The following TTLL6 variants were observed in gnomAD, a reference collection of about 807,000 sequenced individuals.
TTLL6 encodes tubulin polyglutamylase TTLL6.
In TTLL6, 75 loss-of-function variants were observed where a neutral mutation model predicts 96.4. The observed-to-expected ratio is 0.78, with a 90% CI of 0.65 to 0.94. TTLL6 has a LOEUF of 0.94. Ranked by LOEUF, TTLL6 falls within the 40% of genes least tolerant of loss-of-function variation. TTLL6 has a pLI of 0.00. For missense variants in TTLL6, 1,030 were observed against 1,093.0 expected (o/e 0.94, Z 0.81); for synonymous variants, 411 against 419.4 (o/e 0.98, Z 0.24).
At chr17:48,816,530 G>T (rs1020718922) in intron 1 of TTLL6, among the ~76,000 whole-genome samples, 9 of 152,160 alleles carry the variant, frequency 5.9e-5, no homozygotes, top group South Asian at 4.1e-4. Flanking sequence ...AGGCTGGAAG[G>T]CGGTAGGGGC....
At chr17:48,767,358 A>T (rs1362199039) in intron 15 of TTLL6, among the ~76,000 whole-genome samples, 1 of 152,202 alleles carries the variant, frequency 6.6e-6, no homozygotes, top group Non-Finnish European at 1.5e-5. Flanking sequence ...ATGGGGAAAC[A>T]TCAGGCCCAG....
In TTLL6 at chr17:48,803,163, C is replaced by T. The variant is rs147723484; in HGVS notation, c.361+728G>A. Among the ~76,000 whole-genome samples, 1,129 of 151,836 alleles carry T rather than the reference C, an allele frequency of 7.4e-3. 7 individuals carry two copies. The highest frequency in any genetic ancestry group is 0.026 in the African/African-American group (1,058 of 41,416). Reference sequence around the variant, plus strand: ...CCAGCCTGGGCAACAAGAGTGAAACCCAGTCTCAAAAATAAAATAAATAAA... The same window carrying T: ...CCAGCCTGGGCAACAAGAGTGAAACTCAGTCTCAAAAATAAAATAAATAAA... On this transcript the variant is annotated intron_variant, in intron 3 of 15. Transcript: ENST00000393382.
chr17:48,802,309 G>A (rs2039440829), intron 3 of TTLL6, among the ~76,000 whole-genome samples: 1 of 152,172 alleles, frequency 6.6e-6, no homozygotes, highest in African/African-American at 2.4e-5. Context: ...AGCTCTGAAT[G>A]TTCAGGGAAT....
At chr17:48,773,457 C>T (rs748395424) in intron 13 of TTLL6, among the ~76,000 whole-genome samples, 1 of 152,220 alleles carries the variant, frequency 6.6e-6, no homozygotes, top group Non-Finnish European at 1.5e-5. Context: ...ATTACAGGCT[C>T]ATGCCTATAA....
At chr17:48,780,572 T>C (rs541127996) in intron 13 of TTLL6, among the ~76,000 whole-genome samples, 3 of 152,358 alleles carry the variant, frequency 2.0e-5, no homozygotes, top group African/African-American at 7.2e-5. Context: ...GTGTTAACTA[T>C]ATGCACATTT....
intron 1 of TTLL6, among the ~76,000 whole-genome samples, chr17:48,808,265 A>C (rs947308988): frequency 6.6e-6 from 1 of 152,174 alleles, no homozygotes; most frequent in African/African-American, 2.4e-5. Context: ...ATAGCTCTAA[A>C]ATGCATTATC....
intron 15 of TTLL6, among the ~76,000 whole-genome samples, 174 bp from the exon 16 acceptor site, chr17:48,763,147 C>T (rs1314996725): frequency 6.9e-6 from 1 of 145,140 alleles, no homozygotes; most frequent in Non-Finnish European, 1.5e-5. Flanking sequence ...CTTCCTGTAG[C>T]CTTCTTGCCT....
intron 8 of TTLL6, among the ~76,000 whole-genome samples, chr17:48,792,006 A>G (rs1278153199): frequency 6.6e-6 from 1 of 152,162 alleles, no homozygotes; most frequent in East Asian, 1.9e-4. Flanking sequence ...TTTTAAGAAC[A>G]CTGATGCCTG....
In TTLL6 at chr17:48,762,962, T is replaced by C. The variant is rs758912003; in HGVS notation, c.*12A>G. The C allele has an allele frequency of 3.5e-5, 16 of 452,704 alleles. No individual in the cohort carries two copies. Among genetic ancestry groups the C allele is most frequent in the Non-Finnish European group, 4.4e-6 (1 of 225,958 alleles). The allele number at this position is 452,704 out of a possible 1,614,324, so 28.0% of individuals were successfully genotyped here. On this transcript the variant is annotated 3_prime_UTR_variant, in exon 16 of 16. Coordinates refer to ENST00000393382, the MANE Select transcript of TTLL6 (RefSeq NM_001130918.3). ...GGTAGGAAGGGAAAAGTGGCAGAGA[T>C]CCAGTCTGATTCTGGAAAAAAAAAA...
At chr17:48,810,823 G>GTATATA (rs1378796331) in intron 1 of TTLL6, among the ~76,000 whole-genome samples, 9 of 65,798 alleles carry the variant, frequency 1.4e-4, no homozygotes, top group South Asian at 5.0e-4. Flanking sequence ...TAGTATGTGT[G>GTATATA]TGTATATATA....
chr17:48,786,949 C>T (rs773774984), intron 11 of TTLL6, among the ~76,000 whole-genome samples: 14 of 151,476 alleles, frequency 9.2e-5, no homozygotes, highest in Non-Finnish European at 1.2e-4. Flanking sequence ...TCTGCCTCAG[C>T]CTCCAGAGTA....
intron 1 of TTLL6, among the ~76,000 whole-genome samples, chr17:48,814,369 A>C (rs2039636616): frequency 6.6e-6 from 1 of 151,882 alleles, no homozygotes; most frequent in Admixed American, 6.6e-5. Context: ...CCAATGTAAC[A>C]AACACAGTAA....
At chr17:48,767,286 G>A (rs978013076) in intron 15 of TTLL6, among the ~76,000 whole-genome samples, 5 of 152,130 alleles carry the variant, frequency 3.3e-5, no homozygotes, top group African/African-American at 1.2e-4. Flanking sequence ...TTCCCAGGGG[G>A]TTTGGCCTGA....
In TTLL6 at chr17:48,789,954, C is replaced by T. The variant is rs773364274; in HGVS notation, c.1377G>A (p.Gln459=). Residue 459 remains glutamine, a synonymous_variant, in exon 10 of 16, where the codon CAG becomes CAA. Coordinates refer to ENST00000393382, the MANE Select transcript of TTLL6 (RefSeq NM_001130918.3). ...ACCTCATCTCCCGAGAACAACACTG[C>T]TGCAGGAACTGCCCCCGTTGTCTCT... ...EEERQRGQFL[Q]QCCSREMRIE... 1.2e-6 allele frequency: 2 copies of T among 1,614,088 alleles called. No individual in the cohort carries two copies. Among genetic ancestry groups the T allele is most frequent in the Non-Finnish European group, 1.7e-6 (2 of 1,180,024 alleles).
At position 48,769,942 on chromosome 17, in the gene TTLL6, A is replaced by C. The variant is rs8080242; in HGVS notation, c.2196T>G (p.Pro732=). 5.6e-3 allele frequency: 8,970 copies of C among 1,614,058 alleles called. 363 individuals are homozygous for C. In the African/African-American group the frequency reaches 0.097, roughly 17 times the overall value. ...VSFKCKKQQT[P]PHLTQKKMLK... is the part of the protein sequence containing the mutation. ...ACATTTTCTTCTGGGTTAAGTGTGG[A>C]GGGGTCTGCTGCTTCTTGCATTTAA... Residue 732 remains proline, a synonymous_variant, in exon 14 of 16, where the codon CCT becomes CCG. Coordinates refer to ENST00000393382, the MANE Select transcript of TTLL6 (RefSeq NM_001130918.3).
intron 2 of TTLL6, 128 bp downstream of exon 2, chr17:48,804,644 T>C (rs1474197927): frequency 1.3e-6 from 1 of 762,680 alleles, no homozygotes. Flanking sequence ...CCAAAAGTGG[T>C]GAGATGTTGA....
intron 15 of TTLL6, among the ~76,000 whole-genome samples, chr17:48,767,733 G>A (rs1469113851): frequency 6.6e-6 from 1 of 152,112 alleles, no homozygotes; most frequent in African/African-American, 2.4e-5. Context: ...TTTTACATAT[G>A]ACCTTCCCTC....
intron 15 of TTLL6, among the ~76,000 whole-genome samples, chr17:48,763,300 C>T (rs2038525448): frequency 6.6e-6 from 1 of 152,164 alleles, no homozygotes; most frequent in South Asian, 2.1e-4. Flanking sequence ...GAGACAACAA[C>T]AATGCCCCGA....
chr17:48,765,897 T>C (rs2038594245), intron 15 of TTLL6: 2 of 152,234 alleles, frequency 1.3e-5, no homozygotes, highest in Non-Finnish European at 1.5e-5. Context: ...TTGCTTATTA[T>C]GGCAGAAAAG....
Sources: gnomAD v4.1 joint callset for allele counts (sites outside exome capture counted in the v4.1 genomes callset) on GRCh38, gnomAD v4.1.1 for gene constraint, MANE v1.5 for transcripts, NCBI Gene and HGNC (gene_info 2026-07-23, HGNC 2026-07-21) for gene names.